Variants in PPM1L observed in about 807,000 individuals in gnomAD.
PPM1L encodes the protein protein phosphatase 1L.
Under a neutral mutation model 31.4 loss-of-function variants are expected in PPM1L, and 13 were observed. The ratio of observed to expected loss-of-function variants is 0.41; its 90% CI spans 0.27 to 0.66. The LOEUF is 0.66. PPM1L is among the 30% of genes least tolerant of loss of function. The probability of loss-of-function intolerance (pLI) is 0.29; values close to 1 mark genes in which losing one functional copy is unlikely to be tolerated. For missense variants in PPM1L, 326 were observed against 453.7 expected, an observed-to-expected ratio of 0.72 and a Z score of 2.56; for synonymous variants, 184 against 175.4, an observed-to-expected ratio of 1.05 and a Z score of -0.39.
intron 1 of PPM1L, among the ~76,000 whole-genome samples, chr3:160,765,906 A>G (rs1173100670): frequency 1.3e-5 from 2 of 152,100 alleles, no homozygotes; most frequent in Non-Finnish European, 2.9e-5. Flanking sequence ...TCATTTGTTT[A>G]TAATACTGAG....
In PPM1L at chr3:161,065,435, A is replaced by G; in HGVS notation, c.607A>G (p.Lys203Glu). The change falls in exon 3 of 4, where the codon AAA becomes GAA. Residue 203 changes from lysine (K) to glutamate (E), a missense_variant. Coordinates refer to ENST00000498165, the MANE Select transcript of PPM1L (RefSeq NM_139245.4). ...TTCLIALLSDKDLTVANVGDS... is the reference protein window; with the variant it reads ...TTCLIALLSDEDLTVANVGDS... ...GTGTTTGATTGCTCTGCTATCAGAT[A>G]AAGACCTCACTGTGGCCAACGTGGG... 1 of 1,614,046 alleles carries G rather than the reference A, an allele frequency of 6.2e-7. No homozygotes were observed. Among genetic ancestry groups the G allele is most frequent in the Non-Finnish European group, 8.5e-7 (1 of 1,179,960 alleles).
chr3:160,895,636 AGAAATTTATAAAGGAG>A, intron 1 of PPM1L, among the ~76,000 whole-genome samples: 1 of 152,190 alleles, frequency 6.6e-6, no homozygotes, highest in African/African-American at 2.4e-5. Context: ...AGCAATTCTG[AGAAATTTATAAAGGAG>A]TACTTTGTTT....
intron 2 of PPM1L, among the ~76,000 whole-genome samples, chr3:161,060,037 AATGGACTAAT>A (rs746529182): frequency 2.6e-5 from 4 of 152,166 alleles, no homozygotes; most frequent in Admixed American, 6.5e-5. Context: ...GCAGTGTAAG[AATGGACTAAT>A]ATATCTTGTG....
At chr3:161,058,011 G>T (rs1008692511) in intron 2 of PPM1L, among the ~76,000 whole-genome samples, 1 of 150,868 alleles carries the variant, frequency 6.6e-6, no homozygotes, top group East Asian at 1.9e-4. Flanking sequence ...GGGCCTGGAG[G>T]TTAATTAATC....
chr3:161,047,259 A>G (rs530947741), intron 2 of PPM1L, among the ~76,000 whole-genome samples: 21 of 152,346 alleles, frequency 1.4e-4, no homozygotes, highest in African/African-American at 4.6e-4. Context: ...ATACAAAATC[A>G]ATGTGCAAAA....
intron 2 of PPM1L, among the ~76,000 whole-genome samples, chr3:160,998,394 G>A (rs1276784037): frequency 6.6e-6 from 1 of 152,152 alleles, no homozygotes; most frequent in Non-Finnish European, 1.5e-5. Context: ...CAAAAATTAT[G>A]TACAGAACCA....
chr3:160,782,329 C>T (rs1043841673), intron 1 of PPM1L, among the ~76,000 whole-genome samples: 1 of 152,148 alleles, frequency 6.6e-6, no homozygotes, highest in Non-Finnish European at 1.5e-5. Context: ...GCACTACCAC[C>T]ACCACCACCA....
intron 1 of PPM1L, among the ~76,000 whole-genome samples, chr3:160,779,150 G>C (rs1334506459): frequency 1.3e-5 from 2 of 150,008 alleles, no homozygotes; most frequent in African/African-American, 4.9e-5. Context: ...AATGTCATTA[G>C]ACAAAGATCT....
At chr3:160,893,522 A>G (rs1713226211) in intron 1 of PPM1L, among the ~76,000 whole-genome samples, 1 of 152,170 alleles carries the variant, frequency 6.6e-6, no homozygotes, top group African/African-American at 2.4e-5. Flanking sequence ...ATGAAGGTGA[A>G]TGTGAATGAA....
intron 1 of PPM1L, among the ~76,000 whole-genome samples, chr3:160,955,314 T>C (rs1321610154): frequency 3.3e-5 from 5 of 152,038 alleles, no homozygotes; most frequent in Non-Finnish European, 7.4e-5. Flanking sequence ...CCCAGCCTTC[T>C]TTTTTAAATT....
chr3:160,853,898 G>C (rs1711597241), intron 1 of PPM1L, among the ~76,000 whole-genome samples: 1 of 151,640 alleles, frequency 6.6e-6, no homozygotes, highest in African/African-American at 2.4e-5. Context: ...AGGAAGAAGA[G>C]AGCATGTAAG....
At chr3:160,762,827 C>G (rs189659569) in intron 1 of PPM1L, among the ~76,000 whole-genome samples, 1 of 152,274 alleles carries the variant, frequency 6.6e-6, no homozygotes, top group East Asian at 1.9e-4. Flanking sequence ...CAGGAGTAGG[C>G]TTTCCCCAAC....
intron 1 of PPM1L, among the ~76,000 whole-genome samples, chr3:160,762,737 G>A (rs1715001702): frequency 2.0e-5 from 3 of 152,094 alleles, no homozygotes; most frequent in Admixed American, 2.0e-4. Flanking sequence ...TGATATTAGA[G>A]ATTGAAGAAA....
rs1553819647 is a variant in PPM1L at position 160,903,194 on chromosome 3, G to GTGTGTGTGTGTGTGTGTGTGTGTGTGT, written c.400-58541_400-58540insGTGTGTGTGTGTGTGTGTGTGTGTGTT. On this transcript the variant is annotated intron_variant, in intron 1 of 3. Transcript: ENST00000498165. Reference sequence around the variant, plus strand: ...GTGTGTGTGTGTGTGTGTGTGTGTGGTATGTGTGTATGTTTGTGTGTGTGT... The same window carrying GTGTGTGTGTGTGTGTGTGTGTGTGTGT: ...GTGTGTGTGTGTGTGTGTGTGTGTGGTGTGTGTGTGTGTGTGTGTGTGTGTGTTATGTGTGTATGTTTGTGTGTGTGT... Among the ~76,000 whole-genome samples, 59 of 95,522 alleles carry GTGTGTGTGTGTGTGTGTGTGTGTGTGT rather than the reference G, an allele frequency of 6.2e-4. 1 individual carries two copies. The highest frequency in any genetic ancestry group is 1.8e-3 in the East Asian group (8 of 4,346). 62.7% of individuals were successfully genotyped at this position (95,522 alleles called of 152,430 possible).
chr3:160,884,147 G>A (rs548045116), intron 1 of PPM1L, among the ~76,000 whole-genome samples: 7 of 152,166 alleles, frequency 4.6e-5, no homozygotes, highest in African/African-American at 1.2e-4. Flanking sequence ...CATTTAATTG[G>A]GACATGAGAT....
chr3:161,047,573 T>C (rs1282334403), intron 2 of PPM1L, among the ~76,000 whole-genome samples: 2 of 152,172 alleles, frequency 1.3e-5, no homozygotes, highest in African/African-American at 2.4e-5. Context: ...CTTCACAGAA[T>C]TGGAAAAAAC....
chr3:160,847,075 T>A (rs549554496), intron 1 of PPM1L, among the ~76,000 whole-genome samples: 2 of 152,258 alleles, frequency 1.3e-5, no homozygotes, highest in East Asian at 3.9e-4. Context: ...TCTGGTAGCA[T>A]TTTTTTCTTC....
chr3:160,769,651 A>G (rs945173581), intron 1 of PPM1L, among the ~76,000 whole-genome samples: 12 of 151,932 alleles, frequency 7.9e-5, no homozygotes, highest in African/African-American at 2.7e-4. Flanking sequence ...TGTATTCACT[A>G]TAGTTAATGC....
chr3:160,936,018 G>A (rs1009988456), intron 1 of PPM1L, among the ~76,000 whole-genome samples: 3 of 152,152 alleles, frequency 2.0e-5, no homozygotes, highest in Non-Finnish European at 4.4e-5. Flanking sequence ...GTGTGGAAGA[G>A]CTTTGAAGTG....
Sources: gnomAD v4.1 joint callset for allele counts (sites outside exome capture counted in the v4.1 genomes callset) on GRCh38, gnomAD v4.1.1 for gene constraint, MANE v1.5 for transcripts, NCBI Gene and HGNC (gene_info 2026-07-23, HGNC 2026-07-21) for gene names.